Variants in TMEM72 observed in about 807,000 individuals in gnomAD.
TMEM72 encodes kidney-specific secretory protein of 37 kDa.
Under a neutral mutation model 16.3 loss-of-function variants are expected in TMEM72, and 9 were observed. That is an observed-to-expected ratio of 0.55 (90% CI 0.33 to 0.96). The LOEUF is 0.96. Ranked by LOEUF, TMEM72 falls within the 40% of genes least tolerant of loss-of-function variation. The pLI is 0.03. For missense variants in TMEM72, 324 were observed against 337.8 expected, an observed-to-expected ratio of 0.96 and a Z score of 0.32; for synonymous variants, 160 against 146.5, an observed-to-expected ratio of 1.09 and a Z score of -0.66.
intron 2 of TMEM72, among the ~76,000 whole-genome samples, chr10:44,929,350 C>G (rs1010398187): frequency 3.3e-5 from 5 of 152,142 alleles, no homozygotes; most frequent in Admixed American, 1.3e-4. Flanking sequence ...TGTTCTAGCC[C>G]CCCAAATCCT....
At chr10:44,934,545 G>T in intron 4 of TMEM72, 111 bp from the exon 5 acceptor site, 1 of 1,115,196 alleles carries the variant, frequency 9.0e-7, no homozygotes, top group East Asian at 2.5e-5. Flanking sequence ...AGGGGCCTGT[G>T]AATGGCCACA....
Position 44,935,137 on chromosome 10 carries a change from G to T in TMEM72, c.*3G>T, listed in dbSNP as rs750694378. The T allele has an allele frequency of 1.3e-6, 2 of 1,566,582 alleles. No homozygotes were observed. The highest frequency in any genetic ancestry group is 1.7e-6 in the Non-Finnish European group (2 of 1,156,028). ...TTACAGCCACCGGCCTGTTCTGAGCGCTTGCTCCAGCCTGGAGGACGCTCA... is the reference window on the plus strand; with the variant it reads ...TTACAGCCACCGGCCTGTTCTGAGCTCTTGCTCCAGCCTGGAGGACGCTCA... On this transcript the variant is annotated 3_prime_UTR_variant, in exon 5 of 5. Transcript: ENST00000389583.
intron 1 of TMEM72, among the ~76,000 whole-genome samples, chr10:44,913,779 T>C (rs1478384960): frequency 1.3e-5 from 2 of 152,220 alleles, no homozygotes; most frequent in African/African-American, 2.4e-5. Context: ...GCAAATTCCT[T>C]ATTCTCCTAA....
At position 44,920,381 on chromosome 10, in the gene TMEM72, G is replaced by A. The variant is rs113509993; in HGVS notation, c.71-7540G>A. On this transcript the variant is annotated intron_variant, in intron 1 of 4. Transcript: ENST00000389583. Reference sequence around the variant, plus strand: ...AAGCAGCAGCAGCCTGAGGCCAGGGGAATATCCCCTCAGTAGGCAGCCCCG... The same window carrying A: ...AAGCAGCAGCAGCCTGAGGCCAGGGAAATATCCCCTCAGTAGGCAGCCCCG... Among the ~76,000 whole-genome samples, 239 of 152,354 alleles carry A rather than the reference G, an allele frequency of 1.6e-3. 2 individuals carry two copies. Among genetic ancestry groups the A allele is most frequent in the African/African-American group, 5.6e-3 (233 of 41,576 alleles).
At position 44,936,267 on chromosome 10, in the gene TMEM72, C is replaced by A. The variant is rs1386760694; in HGVS notation, c.*1133C>A. On this transcript the variant is annotated 3_prime_UTR_variant, in exon 5 of 5. Coordinates refer to ENST00000389583, the MANE Select transcript of TMEM72 (RefSeq NM_001123376.3). ...GCACACACACCATTCTTCATGGCAACTGCAGTGAGGGAGCAGTCAGGAGGA... is the reference window on the plus strand; with the variant it reads ...GCACACACACCATTCTTCATGGCAAATGCAGTGAGGGAGCAGTCAGGAGGA... The A allele has an allele frequency of 6.6e-6, 1 of 152,206 alleles. No individual in the cohort carries two copies. Among genetic ancestry groups the A allele is most frequent in the African/African-American group, 2.4e-5 (1 of 41,444 alleles). 9.4% of individuals were successfully genotyped at this position (152,206 alleles called of 1,614,324 possible). A position where few individuals can be genotyped will look rare whatever the true frequency, so the allele number is the denominator to read the frequency against.
At chr10:44,913,342 T>TC (rs1839964838) in intron 1 of TMEM72, among the ~76,000 whole-genome samples, 2 of 152,252 alleles carry the variant, frequency 1.3e-5, no homozygotes, top group Admixed American at 1.3e-4. Flanking sequence ...GAGAGGCTGT[T>TC]CTAAGATGTA....
chr10:44,931,356 G>C (rs1840291821), intron 2 of TMEM72, among the ~76,000 whole-genome samples: 1 of 152,212 alleles, frequency 6.6e-6, no homozygotes, highest in Admixed American at 6.5e-5. Flanking sequence ...AGGATCCATG[G>C]ACCACACTGG....
At chr10:44,925,386 C>T (rs1294213833) in intron 1 of TMEM72, among the ~76,000 whole-genome samples, 1 of 152,234 alleles carries the variant, frequency 6.6e-6, no homozygotes, top group African/African-American at 2.4e-5. Context: ...CTGCCACAAG[C>T]CCCCTGCAAA....
At chr10:44,913,083 G>A (rs1839960367) in intron 1 of TMEM72, among the ~76,000 whole-genome samples, 1 of 152,162 alleles carries the variant, frequency 6.6e-6, no homozygotes, top group Non-Finnish European at 1.5e-5. Context: ...GAGGCACTGA[G>A]GGAGGAGCCA....
chr10:44,927,798 A>G (rs1840221190), intron 1 of TMEM72, 123 bp from the exon 2 acceptor site: 1 of 967,060 alleles, frequency 1.0e-6, no homozygotes. Context: ...CATGAAGAGA[A>G]GAACCTACCT....
At chr10:44,914,541 G>T (rs1839986138) in intron 1 of TMEM72, among the ~76,000 whole-genome samples, 1 of 152,208 alleles carries the variant, frequency 6.6e-6, no homozygotes, top group African/African-American at 2.4e-5. Context: ...GCTGGGAAAT[G>T]GCACACAGGC....
At chr10:44,921,365 TAATG>T (rs1840096073) in intron 1 of TMEM72, among the ~76,000 whole-genome samples, 1 of 151,806 alleles carries the variant, frequency 6.6e-6, no homozygotes, top group Non-Finnish European at 1.5e-5. Flanking sequence ...CAAAGGCCAC[TAATG>T]GCCGTGTCAA....
At position 44,932,071 on chromosome 10, in the gene TMEM72, T is replaced by C. The variant is rs1267430038; in HGVS notation, c.209+2T>C. 4 of 1,612,246 alleles carry C rather than the reference T, an allele frequency of 2.5e-6. No individual in the cohort carries two copies. The highest frequency in any genetic ancestry group is 3.3e-5 in the Admixed American group (2 of 59,816). ...TCAGCTGCTGGCCATCTGCTTCCAG[T>C]AAGTAGTTTCCAGAGAGACCCCTCC... On this transcript the variant is annotated splice_donor_variant, in intron 3 of 4. Coordinates refer to ENST00000389583, the MANE Select transcript of TMEM72 (RefSeq NM_001123376.3). LOFTEE classifies it high-confidence loss of function.
intron 1 of TMEM72, among the ~76,000 whole-genome samples, chr10:44,921,793 C>T (rs1215843160): frequency 6.6e-6 from 1 of 152,222 alleles, no homozygotes; most frequent in Non-Finnish European, 1.5e-5. Flanking sequence ...CTCTGGGCCT[C>T]CCAAATCTCT....
rs560216781 is a variant in TMEM72, at chr10:44,916,266, C to T, written c.70+4684C>T. On this transcript the variant is annotated intron_variant, in intron 1 of 4. Coordinates refer to ENST00000389583, the MANE Select transcript of TMEM72 (RefSeq NM_001123376.3). ...CGTGCTGTTTCTCACAAATTGAGTG[C>T]TTGGAATCAACCTGGAATCACTGAG... Among the ~76,000 whole-genome samples the T allele has an allele frequency of 9.9e-5, 15 of 152,272 alleles. No homozygotes were observed. In the East Asian group the frequency reaches 2.9e-3, roughly 29 times the overall value.
intron 1 of TMEM72, among the ~76,000 whole-genome samples, chr10:44,916,855 C>G (rs913396500): frequency 6.6e-6 from 1 of 152,144 alleles, no homozygotes; most frequent in Non-Finnish European, 1.5e-5. Flanking sequence ...AACAAGAAAT[C>G]TGAAACTTCA....
chr10:44,933,242 C>A (rs1030194357), intron 3 of TMEM72, among the ~76,000 whole-genome samples: 1 of 152,224 alleles, frequency 6.6e-6, no homozygotes, highest in Non-Finnish European at 1.5e-5. Context: ...CCTGGCCAAG[C>A]CTCTTATGCA....
intron 1 of TMEM72, among the ~76,000 whole-genome samples, chr10:44,926,278 G>C (rs1840191795): frequency 6.6e-6 from 1 of 152,116 alleles, no homozygotes; most frequent in Non-Finnish European, 1.5e-5. Context: ...GGAAAGCAGT[G>C]GGTAGCAGGA....
At chr10:44,933,423 T>G (rs11595747) in intron 3 of TMEM72, among the ~76,000 whole-genome samples, 13,911 of 152,322 alleles carry the variant, frequency 0.091, 671 homozygotes, top group South Asian at 0.15. Flanking sequence ...AAAACAGGTC[T>G]GGGCAGCCTT....
Sources: gnomAD v4.1 joint callset for allele counts (sites outside exome capture counted in the v4.1 genomes callset) on GRCh38, gnomAD v4.1.1 for gene constraint, MANE v1.5 for transcripts, NCBI Gene and HGNC (gene_info 2026-07-23, HGNC 2026-07-21) for gene names.